Variants in EHBP1 observed in about 807,000 individuals in gnomAD.
EHBP1 encodes the protein EH domain-binding protein 1.
In EHBP1, 55 loss-of-function variants were observed where a neutral mutation model predicts 144.0. The ratio of observed to expected loss-of-function variants is 0.38; its 90% CI spans 0.31 to 0.48. EHBP1 has a LOEUF of 0.48. Among genes scored for constraint, EHBP1 ranks in the 20% least tolerant of loss-of-function variants. EHBP1 has a pLI of 0.98. For missense variants in EHBP1, 1,200 were observed against 1,364.2 expected, an observed-to-expected ratio of 0.88 and a Z score of 1.90; for synonymous variants, 469 against 472.7, an observed-to-expected ratio of 0.99 and a Z score of 0.10.
In EHBP1 at chr2:62,747,371, T is replaced by C. The variant is rs373150728; in HGVS notation, c.105-24T>C. ...CTTTATTTATTTAAGATAAATTATG[T>C]TTAACTTTTTTTTTGTTTGGCAGGC... On this transcript the variant is annotated intron_variant, in intron 2 of 22. Transcript: ENST00000431489. 1,571 of 1,601,524 alleles carry C rather than the reference T, an allele frequency of 9.8e-4. 2 individuals are homozygous for C. Among genetic ancestry groups the C allele is most frequent in the Non-Finnish European group, 1.3e-3 (1,511 of 1,174,178 alleles).
At chr2:62,907,014 G>A (rs909222588) in intron 10 of EHBP1, among the ~76,000 whole-genome samples, 1 of 152,096 alleles carries the variant, frequency 6.6e-6, no homozygotes, top group Admixed American at 6.5e-5. Context: ...TCACGATATG[G>A]TTATACCACA....
intron 7 of EHBP1, among the ~76,000 whole-genome samples, chr2:62,833,678 G>C (rs1294514885): frequency 6.6e-6 from 1 of 152,220 alleles, no homozygotes; most frequent in Non-Finnish European, 1.5e-5. Flanking sequence ...TTGCCCAAGA[G>C]CTGTGATGGA....
intron 10 of EHBP1, among the ~76,000 whole-genome samples, chr2:62,890,651 T>G (rs1476046550): frequency 6.6e-6 from 1 of 152,140 alleles, no homozygotes; most frequent in African/African-American, 2.4e-5. Flanking sequence ...AAGACTGCGG[T>G]GTTCTCTAGA....
At chr2:62,680,104 C>G (rs2033458617) in intron 1 of EHBP1, among the ~76,000 whole-genome samples, 1 of 152,232 alleles carries the variant, frequency 6.6e-6, no homozygotes, top group Non-Finnish European at 1.5e-5. Flanking sequence ...ATTATCCAAC[C>G]TCATGTCTTC....
intron 15 of EHBP1, among the ~76,000 whole-genome samples, chr2:62,983,089 T>C (rs2059038810): frequency 6.6e-6 from 1 of 152,204 alleles, no homozygotes; most frequent in Non-Finnish European, 1.5e-5. Context: ...CCAGGTAGTG[T>C]ATTACACATG....
intron 14 of EHBP1, among the ~76,000 whole-genome samples, chr2:62,960,009 G>A (rs2057916197): frequency 6.6e-6 from 1 of 152,112 alleles, no homozygotes. Context: ...TTAGTTCTGG[G>A]TGAGAGAAAG....
chr2:62,999,006 T>A (rs2059748306), intron 19 of EHBP1, among the ~76,000 whole-genome samples: 1 of 152,174 alleles, frequency 6.6e-6, no homozygotes, highest in Non-Finnish European at 1.5e-5. Flanking sequence ...TATTCCAACT[T>A]TTTATTTATT....
At chr2:62,984,408 C>T (rs1257064709) in intron 15 of EHBP1, among the ~76,000 whole-genome samples, 1 of 152,184 alleles carries the variant, frequency 6.6e-6, no homozygotes, top group East Asian at 1.9e-4. Context: ...TTTTCCTGCA[C>T]ACACAGTACA....
Position 62,947,637 on chromosome 2 carries a change from AG to A in EHBP1, c.1414-622del, listed in dbSNP as rs561189748. ...AAACTAGAAAAACCTGATGTGCCAC[AG>A]TCATTTAAAGGCTAACAAAAATAAT... On this transcript the variant is annotated intron_variant, in intron 12 of 22. Coordinates refer to ENST00000431489, the MANE Select transcript of EHBP1 (RefSeq NM_001142616.3). Among the ~76,000 whole-genome samples the A allele has an allele frequency of 8.7e-4, 133 of 152,330 alleles. 1 individual carries two copies. The South Asian group carries it at 0.021, about 24-fold the overall frequency.
chr2:62,719,765 T>G (rs1331738563), intron 2 of EHBP1, among the ~76,000 whole-genome samples: 3 of 152,238 alleles, frequency 2.0e-5, no homozygotes, highest in African/African-American at 7.2e-5. Flanking sequence ...TAGAGATGAC[T>G]TTAAAGTATA....
At chr2:62,949,433 G>A (rs886479569) in intron 13 of EHBP1, among the ~76,000 whole-genome samples, 6 of 151,944 alleles carry the variant, frequency 3.9e-5, no homozygotes, top group Non-Finnish European at 8.8e-5. Flanking sequence ...TATACCTGCT[G>A]TATATTTAAG....
intron 2 of EHBP1, among the ~76,000 whole-genome samples, chr2:62,740,453 A>G (rs1037386436): frequency 6.6e-6 from 1 of 152,198 alleles, no homozygotes. Flanking sequence ...AATAGGAGGC[A>G]GATGTACCTA....
intron 1 of EHBP1, among the ~76,000 whole-genome samples, chr2:62,694,638 T>G (rs968305353): frequency 6.6e-6 from 1 of 152,118 alleles, no homozygotes; most frequent in African/African-American, 2.4e-5. Flanking sequence ...ATGACCAAAT[T>G]AGAGCTGGAA....
At chr2:62,754,461 T>C (rs2040069573) in intron 3 of EHBP1, among the ~76,000 whole-genome samples, 1 of 152,180 alleles carries the variant, frequency 6.6e-6, no homozygotes, top group Non-Finnish European at 1.5e-5. Context: ...GAGGAGGCAG[T>C]CTGTCTGTTC....
chr2:63,002,805 A>G (rs1402798930), intron 19 of EHBP1, among the ~76,000 whole-genome samples: 3 of 152,114 alleles, frequency 2.0e-5, no homozygotes, highest in African/African-American at 7.2e-5. Flanking sequence ...TATTATAACA[A>G]TGTAACTTCT....
chr2:62,991,344 GAAACTACTACTTT>G (rs2059405620), intron 16 of EHBP1, among the ~76,000 whole-genome samples: 1 of 151,630 alleles, frequency 6.6e-6, no homozygotes, highest in South Asian at 2.1e-4. Context: ...ATTTTTCAGG[GAAACTACTACTTT>G]AAACTGCTAT....
intron 10 of EHBP1, among the ~76,000 whole-genome samples, chr2:62,921,546 T>C (rs1433797915): frequency 6.7e-6 from 1 of 149,982 alleles, no homozygotes; most frequent in Non-Finnish European, 1.5e-5. Context: ...AATTTCACTC[T>C]GGAAAAAAAA....
At chr2:62,835,281 G>A (rs148303846) in intron 7 of EHBP1, among the ~76,000 whole-genome samples, 1 of 151,494 alleles carries the variant, frequency 6.6e-6, no homozygotes, top group Admixed American at 6.6e-5. Context: ...CTTTTATTTT[G>A]GGGCTTTTCT....
At chr2:62,700,102 G>A (rs1572885260) in intron 1 of EHBP1, among the ~76,000 whole-genome samples, 2 of 151,982 alleles carry the variant, frequency 1.3e-5, no homozygotes, top group South Asian at 4.1e-4. Context: ...ATTGAAAGAT[G>A]GTTTTCTAAT....
Sources: allele counts gnomAD v4.1 joint callset (sites outside exome capture counted in the v4.1 genomes callset), GRCh38; gene constraint gnomAD v4.1.1; transcripts MANE v1.5; gene names NCBI Gene and HGNC (gene_info 2026-07-23, HGNC 2026-07-21).